Variants in TMC2 observed in about 807,000 individuals in gnomAD.
The protein encoded by TMC2 is transmembrane channel-like protein 2.
TMC2 carries 102 observed loss-of-function variants against 105.9 expected under a neutral mutation model. That is an observed-to-expected ratio of 0.96 (90% CI 0.82 to 1.14). The LOEUF (loss-of-function observed/expected upper bound fraction) is 1.14, where lower values mean the gene tolerates loss of function less well. Ranked by LOEUF, TMC2 falls within the 50% of genes most tolerant of loss-of-function variation. The pLI is 0.00. For synonymous variants in TMC2, 402 were observed against 422.8 expected, an observed-to-expected ratio of 0.95 and a Z score of 0.60; for missense variants, 1,093 against 1,134.3, an observed-to-expected ratio of 0.96 and a Z score of 0.52.
intron 10 of TMC2, among the ~76,000 whole-genome samples, chr20:2,597,630 G>T (rs1326583094): frequency 6.6e-6 from 1 of 151,638 alleles, no homozygotes; most frequent in Non-Finnish European, 1.5e-5. Context: ...TGGGACTACA[G>T]GTGCCTGCCA....
chr20:2,633,251 C>T (rs1373880624), intron 17 of TMC2, among the ~76,000 whole-genome samples: 1 of 152,184 alleles, frequency 6.6e-6, no homozygotes, highest in Non-Finnish European at 1.5e-5. Flanking sequence ...TTAGCTGTCA[C>T]TGACTGCTTG....
At chr20:2,570,358 C>T (rs1351907157) in intron 4 of TMC2, among the ~76,000 whole-genome samples, 1 of 151,974 alleles carries the variant, frequency 6.6e-6, no homozygotes, top group Non-Finnish European at 1.5e-5. Flanking sequence ...GATCTAGTAA[C>T]ATTCAAGCAG....
At chr20:2,596,704 GA>G (rs200728202) in intron 9 of TMC2, among the ~76,000 whole-genome samples, 1 of 124,190 alleles carries the variant, frequency 8.1e-6, no homozygotes, top group African/African-American at 2.7e-5. Context: ...TTTTATATCA[GA>G]AAAAAATATA....
Position 2,641,123 on chromosome 20 carries a change from TC to T in TMC2, c.2504-10del. 1 of 1,613,222 alleles carries T rather than the reference TC, an allele frequency of 6.2e-7. No individual in the cohort carries two copies. Among genetic ancestry groups the T allele is most frequent in the Non-Finnish European group, 8.5e-7 (1 of 1,179,274 alleles). ...CCCACTTCCTCTTTCTTGTCTTGGTTCGTTTTCCAGAGACCACTCCTCCCTC... is the reference window on the plus strand; with the variant it reads ...CCCACTTCCTCTTTCTTGTCTTGGTTGTTTTCCAGAGACCACTCCTCCCTC... On this transcript the variant is annotated splice_polypyrimidine_tract_variant and intron_variant, in intron 19 of 19. Coordinates refer to ENST00000358864, the MANE Select transcript of TMC2 (RefSeq NM_080751.3).
chr20:2,630,810 G>A (rs2086597582), intron 17 of TMC2, among the ~76,000 whole-genome samples: 1 of 152,200 alleles, frequency 6.6e-6, no homozygotes, highest in East Asian at 1.9e-4. Flanking sequence ...GTGACAGACT[G>A]AGACCTTCTC....
chr20:2,537,346 G>A, intron 2 of TMC2, 30 bp downstream of exon 2: 1 of 1,564,740 alleles, frequency 6.4e-7, no homozygotes, highest in Non-Finnish European at 8.7e-7. Context: ...TCTCTGGGGA[G>A]CCTGCAGTGC....
In TMC2 at chr20:2,558,637, G is replaced by A. The variant is rs751120173; in HGVS notation, c.264G>A (p.Arg88=). 12 of 1,570,412 alleles carry A rather than the reference G, an allele frequency of 7.6e-6. No individual in the cohort carries two copies. The highest frequency in any genetic ancestry group is 2.3e-5 in the East Asian group (1 of 42,860). ...RHREELGEQE[R]GEAERTCEGR... is the part of the protein sequence containing the mutation. ...GAGAAGAGCTGGGGGAGCAGGAGCG[G>A]GGCGAGGCAGAGAGGACCTGCGAGG... Residue 88 remains arginine, a synonymous_variant, in exon 3 of 20, where the codon CGG becomes CGA. Transcript: ENST00000358864. The surrounding 1 kb of genome is among the most constrained non-coding windows in gnomAD (Gnocchi z 4.6).
chr20:2,544,792 G>C (rs2057354054), intron 2 of TMC2, among the ~76,000 whole-genome samples: 2 of 152,162 alleles, frequency 1.3e-5, no homozygotes, highest in Admixed American at 1.3e-4. Flanking sequence ...GGGTGCAGTG[G>C]TTCACACCTG....
At chr20:2,621,652 A>G (rs1347197192) in intron 16 of TMC2, among the ~76,000 whole-genome samples, 2 of 152,176 alleles carry the variant, frequency 1.3e-5, no homozygotes, top group East Asian at 3.8e-4. Context: ...CTGGGCAACG[A>G]GCAAGACTCT....
chr20:2,586,308 A>G (rs2086231743), intron 7 of TMC2, among the ~76,000 whole-genome samples: 1 of 152,218 alleles, frequency 6.6e-6, no homozygotes. Context: ...CATAAGATAA[A>G]TGCTATAGAC....
At chr20:2,604,707 C>G (rs2086376628) in intron 11 of TMC2, among the ~76,000 whole-genome samples, 1 of 152,112 alleles carries the variant, frequency 6.6e-6, no homozygotes, top group Admixed American at 6.6e-5. Flanking sequence ...CCCGTCACCT[C>G]CAGGGAGGGG....
At chr20:2,617,750 A>T (rs2086495508) in intron 16 of TMC2, 1 of 175,350 alleles carries the variant, frequency 5.7e-6, no homozygotes, top group African/African-American at 2.4e-5. Flanking sequence ...TCACTCTGTC[A>T]CCCAGGCTGG....
At position 2,572,287 on chromosome 20, in the gene TMC2, A is replaced by G; in HGVS notation, c.645+18A>G. The G allele has an allele frequency of 2.5e-6, 4 of 1,592,952 alleles. No homozygotes were observed. The highest frequency in any genetic ancestry group is 3.4e-6 in the Non-Finnish European group (4 of 1,161,426). On this transcript the variant is annotated intron_variant, in intron 5 of 19. Coordinates refer to ENST00000358864, the MANE Select transcript of TMC2 (RefSeq NM_080751.3). The stretch of plus-strand genomic sequence containing the variant: ...TGGCCAAGGTGTGTGGGGTGGGGGC[A>G]GTGAATCTGTTGGGAGGGCTTGCTC...
At chr20:2,580,381 C>T (rs918465587) in intron 7 of TMC2, among the ~76,000 whole-genome samples, 1 of 152,172 alleles carries the variant, frequency 6.6e-6, no homozygotes, top group Non-Finnish European at 1.5e-5. Context: ...AACCAAAATA[C>T]TTTGTTCCTT....
In TMC2 at chr20:2,634,475, A is replaced by C. The variant is rs546729570; in HGVS notation, c.2307-1451A>C. ...TGTGTTGTTTTATATCCTTGATTTC[A>C]AATTTCCTCTGCTGCTGGCATGACA... On this transcript the variant is annotated intron_variant, in intron 17 of 19. Coordinates refer to ENST00000358864, the MANE Select transcript of TMC2 (RefSeq NM_080751.3). Among the ~76,000 whole-genome samples the C allele has an allele frequency of 2.6e-5, 4 of 152,346 alleles. No individual in the cohort carries two copies. The South Asian group carries it at 8.3e-4, about 32-fold the overall frequency.
In TMC2 at chr20:2,641,163, C is replaced by G; in HGVS notation, c.2533C>G (p.Gln845Glu). ...CACTCCTCCCTCTGCCAGCCAAAGC[C>G]AGGCCATGGACAAGAAGGCGCAGGG... ...ETTPPSASQSQAMDKKAQGPG... is the reference protein window; with the variant it reads ...ETTPPSASQSEAMDKKAQGPG... The change falls in exon 20 of 20, where the codon CAG (glutamine) becomes GAG (glutamate). Residue 845 changes from glutamine (Q) to glutamate (E), a missense_variant. By Grantham distance (29) the Gln-to-Glu change is conservative. Coordinates refer to ENST00000358864, the MANE Select transcript of TMC2 (RefSeq NM_080751.3). 1.2e-6 allele frequency: 2 copies of G among 1,614,100 alleles called. No homozygotes were observed. The highest frequency in any genetic ancestry group is 1.7e-6 in the Non-Finnish European group (2 of 1,180,014).
In TMC2 at chr20:2,613,315, C is replaced by A; in HGVS notation, c.1865C>A (p.Ala622Asp). ...MNYCWCWDLE[A>D]GFPSYAEFDI... Reference sequence around the variant, plus strand: ...TACTGCTGGTGCTGGGACTTGGAGGCTGGATTTGTAGGTCACCACTTCATG... The same window carrying A: ...TACTGCTGGTGCTGGGACTTGGAGGATGGATTTGTAGGTCACCACTTCATG... Residue 622 changes from alanine (A) to aspartate (D), a missense_variant, in exon 14 of 20, where the codon GCT becomes GAT. By Grantham distance (126) the Ala-to-Asp change is moderately radical (BLOSUM62 -2). Transcript: ENST00000358864. The A allele has an allele frequency of 6.2e-7, 1 of 1,614,030 alleles. No homozygotes were observed. The highest frequency in any genetic ancestry group is 1.1e-5 in the South Asian group (1 of 91,074).
chr20:2,554,047 G>T (rs1375167501), intron 2 of TMC2, among the ~76,000 whole-genome samples: 2 of 151,892 alleles, frequency 1.3e-5, no homozygotes, highest in Non-Finnish European at 2.9e-5. Flanking sequence ...ACCATACCCG[G>T]CTAATTTTTT....
At chr20:2,596,442 G>A (rs1158187380) in intron 9 of TMC2, among the ~76,000 whole-genome samples, 3 of 152,078 alleles carry the variant, frequency 2.0e-5, no homozygotes, top group Non-Finnish European at 2.9e-5. Flanking sequence ...GACCAGCCTG[G>A]CCAACATGGC....
Sources: gnomAD v4.1 joint callset for allele counts (sites outside exome capture counted in the v4.1 genomes callset) on GRCh38, gnomAD v4.1.1 for gene constraint, Gnocchi (gnomAD v3.1) non-coding constraint, MANE v1.5 for transcripts, NCBI Gene and HGNC (gene_info 2026-07-23, HGNC 2026-07-21) for gene names.